The following KIAA1671 variants were observed in gnomAD, a reference collection of about 807,000 sequenced individuals.
KIAA1671 encodes KIAA1671.
Under a neutral mutation model 131.2 loss-of-function variants are expected in KIAA1671, and 52 were observed. That is an observed-to-expected ratio of 0.40 (90% CI 0.32 to 0.50). The LOEUF is 0.50. Ranked by LOEUF, KIAA1671 falls within the 20% of genes least tolerant of loss-of-function variation. The pLI is 0.73. For synonymous variants in KIAA1671, 1,003 were observed against 961.6 expected (o/e 1.04, Z -0.80); for missense variants, 2,360 against 2,364.2 (o/e 1.00, Z 0.04).
intron 6 of KIAA1671, among the ~76,000 whole-genome samples, chr22:25,119,562 A>G (rs569943734): frequency 5.9e-5 from 9 of 152,336 alleles, no homozygotes; most frequent in African/African-American, 1.9e-4. Context: ...GAGACACATT[A>G]AACAATTAAG....
chr22:25,125,143 T>G (rs1324615060), intron 6 of KIAA1671, among the ~76,000 whole-genome samples: 2 of 152,190 alleles, frequency 1.3e-5, no homozygotes, highest in African/African-American at 4.8e-5. Flanking sequence ...GCATCTGGCA[T>G]CTAGGCCATC....
At chr22:25,000,184 GTTTTTT>G (rs1184771280) in intron 1 of KIAA1671, among the ~76,000 whole-genome samples, 2 of 62,158 alleles carry the variant, frequency 3.2e-5, no homozygotes, top group African/African-American at 9.5e-5. Flanking sequence ...CTCCTCGCCT[GTTTTTT>G]TTTTTTTTTT....
intron 6 of KIAA1671, chr22:25,062,741 G>C (rs1928227293): frequency 6.6e-6 from 1 of 152,234 alleles, no homozygotes; most frequent in Admixed American, 6.5e-5. Flanking sequence ...GGGGCCAGGA[G>C]GGCAGTTGTT....
At chr22:25,172,742 C>G (rs2146017522) in intron 7 of KIAA1671, among the ~76,000 whole-genome samples, 2 of 152,182 alleles carry the variant, frequency 1.3e-5, no homozygotes, top group South Asian at 4.1e-4. Context: ...TACATTATTC[C>G]AATGACCCAA....
Position 24,954,973 on chromosome 22 carries a change from G to C in KIAA1671, c.-208+2201G>C, listed in dbSNP as rs1040547352. Among the ~76,000 whole-genome samples, 4 of 152,136 alleles carry C rather than the reference G, an allele frequency of 2.6e-5. No individual in the cohort carries two copies. The East Asian group carries it at 7.7e-4, about 29-fold the overall frequency. ...TTTTTGTATTTTTAGTAGAGATAGG[G>C]TTTCACCATGTTGGCCAGGCTGATC... On this transcript the variant is annotated intron_variant, in intron 1 of 12. Coordinates refer to ENST00000358431, the MANE Select transcript of KIAA1671 (RefSeq NM_001145206.2).
chr22:25,102,394 G>A (rs1231156933), intron 6 of KIAA1671: 2 of 150,206 alleles, frequency 1.3e-5, no homozygotes, highest in African/African-American at 5.1e-5. Flanking sequence ...GAGATGATAG[G>A]AATTATAATA....
intron 1 of KIAA1671, among the ~76,000 whole-genome samples, chr22:24,972,830 T>G (rs1402029772): frequency 1.3e-5 from 2 of 152,176 alleles, no homozygotes. Context: ...GGCACAAAAG[T>G]CCGTTCATAA....
chr22:24,995,226 ATT>A (rs1336271011), intron 1 of KIAA1671, among the ~76,000 whole-genome samples: 12 of 149,834 alleles, frequency 8.0e-5, no homozygotes, highest in South Asian at 6.3e-4. Flanking sequence ...AATTTTTTGT[ATT>A]TTTTTAGTAG....
At chr22:25,043,140 C>T (rs2145810839) in intron 5 of KIAA1671, among the ~76,000 whole-genome samples, 1 of 151,948 alleles carries the variant, frequency 6.6e-6, no homozygotes, top group East Asian at 1.9e-4. Flanking sequence ...GAAGGGATCA[C>T]TTTAATTACA....
intron 8 of KIAA1671, chr22:25,176,826 T>G: frequency 6.6e-6 from 1 of 152,258 alleles, no homozygotes; most frequent in East Asian, 1.9e-4. Context: ...TCCTGATGTT[T>G]AGTAAGCTGC....
At position 25,171,137 on chromosome 22, in the gene KIAA1671, C is replaced by T. The variant is rs935118516; in HGVS notation, c.4649+199C>T. Among the ~76,000 whole-genome samples, 10 of 152,270 alleles carry T rather than the reference C, an allele frequency of 6.6e-5. No individual in the cohort carries two copies. In the East Asian group the frequency reaches 1.9e-3, roughly 29 times the overall value. On this transcript the variant is annotated intron_variant, in intron 7 of 12. Coordinates refer to ENST00000358431, the MANE Select transcript of KIAA1671 (RefSeq NM_001145206.2). ...ATTATGGGCCGGGTGCGGTGGCTCACGTCTGTAATCCCAGCACTTTGGGAG... is the reference window on the plus strand; with the variant it reads ...ATTATGGGCCGGGTGCGGTGGCTCATGTCTGTAATCCCAGCACTTTGGGAG...
intron 12 of KIAA1671, among the ~76,000 whole-genome samples, chr22:25,191,460 A>G (rs1934670640): frequency 1.3e-5 from 2 of 152,182 alleles, no homozygotes; most frequent in Non-Finnish European, 2.9e-5. Context: ...CCGGCCAGAA[A>G]TGGTTACAGT....
chr22:24,973,144 G>T (rs569943238), intron 1 of KIAA1671, among the ~76,000 whole-genome samples: 1 of 152,294 alleles, frequency 6.6e-6, no homozygotes, highest in Admixed American at 6.5e-5. Context: ...GGGCAATGTG[G>T]GGTTCATTTT....
chr22:25,060,563 G>A (rs1928104611), intron 6 of KIAA1671: 1 of 152,198 alleles, frequency 6.6e-6, no homozygotes, highest in Non-Finnish European at 1.5e-5. Context: ...GGGTATCAGA[G>A]GTCTTGTTAT....
intron 6 of KIAA1671, among the ~76,000 whole-genome samples, chr22:25,153,379 C>A (rs573568303): frequency 1.3e-5 from 2 of 152,294 alleles, no homozygotes; most frequent in Admixed American, 6.5e-5. Context: ...GTGCTACTGA[C>A]ATTGGTGGCT....
chr22:25,093,834 G>GTCTCTCTCTCTCTCTCTCTCTCTCTCTC (rs1568951583), intron 6 of KIAA1671, among the ~76,000 whole-genome samples: 1 of 16,958 alleles, frequency 5.9e-5, no homozygotes, highest in Non-Finnish European at 1.1e-4. Context: ...TTCTCTCTCT[G>GTCTCTCTCTCTCTCTCTCTCTCTCTCTC]TCTGTCTCTC....
At chr22:25,066,892 A>G (rs1047871233) in intron 6 of KIAA1671, among the ~76,000 whole-genome samples, 3 of 152,164 alleles carry the variant, frequency 2.0e-5, no homozygotes, top group African/African-American at 7.2e-5. Flanking sequence ...AAAGCATCTA[A>G]GATGTGTGTG....
intron 6 of KIAA1671, among the ~76,000 whole-genome samples, chr22:25,155,590 G>A (rs1454024339): frequency 6.6e-6 from 1 of 151,662 alleles, no homozygotes; most frequent in Non-Finnish European, 1.5e-5. Flanking sequence ...ATTTGTGCAT[G>A]TGTATGTGCT....
chr22:25,106,965 CT>C (rs1931037303), intron 6 of KIAA1671, among the ~76,000 whole-genome samples: 1 of 152,172 alleles, frequency 6.6e-6, no homozygotes, highest in African/African-American at 2.4e-5. Context: ...AAAGGAATTC[CT>C]GTGTGTGGAA....
Sources: allele counts gnomAD v4.1 joint callset (sites outside exome capture counted in the v4.1 genomes callset), GRCh38; gene constraint gnomAD v4.1.1; transcripts MANE v1.5; gene names NCBI Gene and HGNC (gene_info 2026-07-23, HGNC 2026-07-21).